GRAP2: variants seen among roughly 807,000 people sequenced by gnomAD.
GRAP2 encodes GRB2 related adaptor protein 2, also known as GRB2-related adapter protein 2.
A neutral mutation model predicts 43.5 loss-of-function variants in GRAP2; 31 were observed. The ratio of observed to expected loss-of-function variants is 0.71; its 90% confidence interval spans 0.54 to 0.96. GRAP2 has a LOEUF of 0.96. Among genes scored for constraint, GRAP2 ranks in the 40% least tolerant of loss-of-function variants. The pLI is 0.00. For missense variants in GRAP2, 371 were observed against 424.4 expected (o/e 0.87, Z 1.11); for synonymous variants, 156 against 164.8 (o/e 0.95, Z 0.41).
At chr22:39,894,223 A>G in the GRAP2 span, among the ~76,000 whole-genome samples, 6 of 152,082 alleles carry the variant, frequency 3.9e-5, no homozygotes, top group African/African-American at 1.4e-4. Context: ...TCAGACTTCT[A>G]GCATAATATC....
intron 1 of GRAP2, among the ~76,000 whole-genome samples, chr22:39,918,777 A>G (rs1896549477): frequency 6.6e-6 from 1 of 152,218 alleles, no homozygotes; most frequent in Non-Finnish European, 1.5e-5. Context: ...TTTTGAGAGA[A>G]GATAACCAAA....
At chr22:39,920,444 C>T (rs1318913669) in intron 1 of GRAP2, among the ~76,000 whole-genome samples, 2 of 152,326 alleles carry the variant, frequency 1.3e-5, no homozygotes, top group South Asian at 4.1e-4. Context: ...ACCCTTCTCA[C>T]GGGGCTCCTG....
intron 1 of GRAP2, 174 bp from the exon 2 acceptor site, chr22:39,946,919 C>A: frequency 1.8e-6 from 1 of 570,366 alleles, no homozygotes; most frequent in Non-Finnish European, 3.2e-6. Flanking sequence ...CTATAGATTC[C>A]GGCAGCTCTT....
intron 1 of GRAP2, among the ~76,000 whole-genome samples, chr22:39,927,492 G>T (rs1302836163): frequency 2.0e-5 from 3 of 152,184 alleles, no homozygotes; most frequent in Non-Finnish European, 4.4e-5. Context: ...GGAGAGCAAG[G>T]TCTTTTTAAG....
chr22:39,939,358 C>T (rs1011539528), intron 1 of GRAP2, among the ~76,000 whole-genome samples: 3 of 151,998 alleles, frequency 2.0e-5, no homozygotes, highest in Non-Finnish European at 4.4e-5. Flanking sequence ...GTCAGGAGAT[C>T]GAGACCATCC....
chr22:39,914,789 G>A (rs1164573327), intron 1 of GRAP2, among the ~76,000 whole-genome samples: 1 of 152,172 alleles, frequency 6.6e-6, no homozygotes, highest in Non-Finnish European at 1.5e-5. Flanking sequence ...TACAACAGAT[G>A]AGGTATTGTG....
chr22:39,914,475 C>A (rs1437521596), intron 1 of GRAP2, among the ~76,000 whole-genome samples: 2 of 83,066 alleles, frequency 2.4e-5, no homozygotes, highest in Non-Finnish European at 4.3e-5. Context: ...ATCATACTGT[C>A]CTGTGGATTT....
Position 39,904,253 on chromosome 22 carries a change from T to A in GRAP2, c.-15+2923T>A, listed in dbSNP as rs2066509773. Among the ~76,000 whole-genome samples, 2 of 152,188 alleles carry A rather than the reference T, an allele frequency of 1.3e-5. 1 individual carries two copies. Among genetic ancestry groups the A allele is most frequent in the South Asian group, 4.1e-4 (2 of 4,828 alleles). On this transcript the variant is annotated intron_variant, in intron 1 of 7. Coordinates refer to ENST00000344138, the MANE Select transcript of GRAP2 (RefSeq NM_004810.4). Reference sequence around the variant, plus strand: ...AAATACAAAAATTAGCCGGGCATGATGGCAGGCGCCTGTAATCCCAGCTAC... The same window carrying A: ...AAATACAAAAATTAGCCGGGCATGAAGGCAGGCGCCTGTAATCCCAGCTAC...
At chr22:39,952,054 T>A (rs2066989700) in intron 2 of GRAP2, among the ~76,000 whole-genome samples, 1 of 146,988 alleles carries the variant, frequency 6.8e-6, no homozygotes, top group South Asian at 2.1e-4. Flanking sequence ...TGAGACAGAG[T>A]CTTGCTCTGT....
At chr22:39,930,468 G>A (rs994961465) in intron 1 of GRAP2, among the ~76,000 whole-genome samples, 1 of 152,154 alleles carries the variant, frequency 6.6e-6, no homozygotes, top group African/African-American at 2.4e-5. Context: ...CTTTAAATGA[G>A]ATAATGTGTA....
Position 39,968,097 on chromosome 22 carries a change from G to C in GRAP2, c.515G>C (p.Gly172Ala), listed in dbSNP as rs1160919232. 6.2e-7 allele frequency: 1 copy of C among 1,611,852 alleles called. No homozygotes were observed. Among genetic ancestry groups the C allele is most frequent in the South Asian group, 1.1e-5 (1 of 90,628 alleles). Residue 172 changes from glycine to alanine, a missense_variant, in exon 6 of 8, where the codon GGG becomes GCG. Gly to Ala is a moderately conservative substitution (Grantham distance 60). Coordinates refer to ENST00000344138, the MANE Select transcript of GRAP2 (RefSeq NM_004810.4). ...TCCCAGGGAGGCCCACACCTCAGTG[G>C]GGCTGTGGGAGAAGAAATCCGACCT... is the stretch of plus-strand genomic sequence containing the variant. ...RRSQGGPHLS[G>A]AVGEEIRPSM...
In GRAP2 at chr22:39,920,943, GACACACACACACACAC is replaced by G. The variant is rs137974; in HGVS notation, c.-15+19645_-15+19660del. Among the ~76,000 whole-genome samples, 1,007 of 142,582 alleles carry G rather than the reference GACACACACACACACAC, an allele frequency of 7.1e-3. 16 individuals carry two copies. The highest frequency in any genetic ancestry group is 0.024 in the African/African-American group (928 of 39,374). 93.5% of individuals were successfully genotyped at this position (142,582 alleles called of 152,430 possible). A position where few individuals can be genotyped will look rare whatever the true frequency, so the allele number is the denominator to read the frequency against. Reference sequence around the variant, plus strand: ...AATGGGTATTTAACTTCTCTACACAGACACACACACACACACACACACACACACACACACACACACA... The same window carrying G: ...AATGGGTATTTAACTTCTCTACACAGACACACACACACACACACACACACA... On this transcript the variant is annotated intron_variant, in intron 1 of 7. Transcript: ENST00000344138.
intron 1 of GRAP2, among the ~76,000 whole-genome samples, chr22:39,917,653 G>A (rs1341343507): frequency 6.6e-6 from 1 of 152,076 alleles, no homozygotes; most frequent in African/African-American, 2.4e-5. Flanking sequence ...TGCCCTAACT[G>A]TTCTAAAATG....
intron 1 of GRAP2, among the ~76,000 whole-genome samples, chr22:39,920,943 GAC>G (rs137974): frequency 0.32 from 45,174 of 142,024 alleles, 8,015 homozygotes; most frequent in East Asian, 0.57. Flanking sequence ...TCTCTACACA[GAC>G]ACACACACAC....
intron 1 of GRAP2, among the ~76,000 whole-genome samples, chr22:39,903,305 C>CA (rs2066504163): frequency 6.6e-6 from 1 of 152,078 alleles, no homozygotes; most frequent in South Asian, 2.1e-4. Context: ...GCTAGGTCCC[C>CA]ATTTTGTCCA....
At chr22:39,935,555 G>A (rs2066798360) in intron 1 of GRAP2, among the ~76,000 whole-genome samples, 1 of 152,178 alleles carries the variant, frequency 6.6e-6, no homozygotes, top group Non-Finnish European at 1.5e-5. Context: ...AAAGGAATTT[G>A]CCATATTATC....
chr22:39,939,438 T>C (rs2066842044), intron 1 of GRAP2, among the ~76,000 whole-genome samples: 2 of 151,370 alleles, frequency 1.3e-5, no homozygotes, highest in Admixed American at 1.3e-4. Context: ...GGCAGGCGCC[T>C]GTAGTCCCAG....
At chr22:39,906,300 C>T (rs1393026007) in intron 1 of GRAP2, among the ~76,000 whole-genome samples, 3 of 152,136 alleles carry the variant, frequency 2.0e-5, no homozygotes, top group South Asian at 2.1e-4. Flanking sequence ...CCTTAAGAGA[C>T]GATGGATGAC....
chr22:39,953,811 G>A (rs950915043), intron 2 of GRAP2, among the ~76,000 whole-genome samples: 1 of 152,092 alleles, frequency 6.6e-6, no homozygotes, highest in African/African-American at 2.4e-5. Flanking sequence ...ACAAGGTCTC[G>A]CTTTGTTGCC....
Sources: gnomAD v4.1 joint callset for allele counts (sites outside exome capture counted in the v4.1 genomes callset) on GRCh38, gnomAD v4.1.1 for gene constraint, MANE v1.5 for transcripts, NCBI Gene and HGNC (gene_info 2026-07-23, HGNC 2026-07-21) for gene names.